Variants in PDE4D observed in about 807,000 individuals in gnomAD.
PDE4D encodes the protein 3',5'-cyclic-AMP phosphodiesterase 4D.
A neutral mutation model predicts 87.4 loss-of-function variants in PDE4D; 24 were observed. The observed-to-expected ratio is 0.27, with a 90% CI of 0.20 to 0.39. The LOEUF (loss-of-function observed/expected upper bound fraction) is 0.39, where lower values mean the gene tolerates loss of function less well. PDE4D is among the 10% of genes least tolerant of loss of function. The pLI is 1.00. For missense variants in PDE4D, 714 were observed against 1,041.0 expected (o/e 0.69, Z 4.32); for synonymous variants, 384 against 383.2 (o/e 1.00, Z -0.02).
At chr5:59,514,158 T>G (rs1810746868) in intron 1 of PDE4D, among the ~76,000 whole-genome samples, 1 of 150,786 alleles carries the variant, frequency 6.6e-6, no homozygotes, top group Admixed American at 6.6e-5. Context: ...CAGGCTGGAG[T>G]GCAGTGGTGC....
At chr5:60,259,377 G>A (rs1315137029) in intron 1 of PDE4D, among the ~76,000 whole-genome samples, 1 of 151,960 alleles carries the variant, frequency 6.6e-6, no homozygotes, top group African/African-American at 2.4e-5. Context: ...TTGGTAATCT[G>A]GACAAACTTC....
chr5:59,426,342 T>C (rs1477277735), intron 1 of PDE4D, among the ~76,000 whole-genome samples: 1 of 152,222 alleles, frequency 6.6e-6, no homozygotes, highest in Non-Finnish European at 1.5e-5. Context: ...TGCATGACCT[T>C]GTGATCGTTC....
intron 1 of PDE4D, among the ~76,000 whole-genome samples, chr5:59,521,516 A>T (rs775958395): frequency 1.3e-5 from 2 of 152,098 alleles, no homozygotes; most frequent in Admixed American, 6.6e-5. Flanking sequence ...CAGCTTTCTA[A>T]TTGGCCTTGC....
chr5:58,995,733 T>C (rs1225749162), intron 6 of PDE4D, among the ~76,000 whole-genome samples: 1 of 152,192 alleles, frequency 6.6e-6, no homozygotes, highest in Non-Finnish European at 1.5e-5. Flanking sequence ...ACCATAAAAA[T>C]AGTTACTTAA....
chr5:59,663,450 C>T (rs1053055423), intron 1 of PDE4D, among the ~76,000 whole-genome samples: 3 of 152,178 alleles, frequency 2.0e-5, no homozygotes. Context: ...GGATAACAGG[C>T]ATGAGCCATC....
At chr5:60,249,824 C>A (rs1034443590) in intron 1 of PDE4D, among the ~76,000 whole-genome samples, 1 of 151,946 alleles carries the variant, frequency 6.6e-6, no homozygotes, top group African/African-American at 2.4e-5. Context: ...AGAAACCACA[C>A]ATAACATTCC....
At chr5:60,265,748 C>T (rs1750138815) in intron 1 of PDE4D, among the ~76,000 whole-genome samples, 1 of 152,160 alleles carries the variant, frequency 6.6e-6, no homozygotes. Flanking sequence ...GAGTCACCTG[C>T]CATTAACACC....
intron 5 of PDE4D, among the ~76,000 whole-genome samples, chr5:59,050,044 A>T (rs1398676648): frequency 6.6e-6 from 1 of 152,232 alleles, no homozygotes; most frequent in Non-Finnish European, 1.5e-5. Flanking sequence ...CAGGTGGATC[A>T]CCTGAGGTCA....
At chr5:60,350,635 C>T (rs1197712354) in intron 1 of PDE4D, among the ~76,000 whole-genome samples, 6 of 152,178 alleles carry the variant, frequency 3.9e-5, no homozygotes, top group Non-Finnish European at 1.5e-5. Context: ...TGCTCAGTCC[C>T]AGGATGTTGT....
At chr5:60,040,481 C>G (rs1768349168) in intron 2 of PDE4D, among the ~76,000 whole-genome samples, 1 of 152,164 alleles carries the variant, frequency 6.6e-6, no homozygotes, top group African/African-American at 2.4e-5. Flanking sequence ...TGTCTACAGT[C>G]TGTGCTTTAT....
chr5:59,726,755 C>G (rs951803866), intron 1 of PDE4D, among the ~76,000 whole-genome samples: 1 of 151,996 alleles, frequency 6.6e-6, no homozygotes, highest in Non-Finnish European at 1.5e-5. Flanking sequence ...GTATGAGAAA[C>G]AATATAACTT....
chr5:59,505,682 T>C (rs1036701063), intron 1 of PDE4D, among the ~76,000 whole-genome samples: 34 of 152,324 alleles, frequency 2.2e-4, no homozygotes, highest in Admixed American at 3.9e-4. Context: ...TTGTCAGAGA[T>C]AGAATTTCAA....
chr5:59,722,045 A>C (rs556427462), intron 1 of PDE4D, among the ~76,000 whole-genome samples: 14 of 152,162 alleles, frequency 9.2e-5, no homozygotes, highest in Non-Finnish European at 2.1e-4. Flanking sequence ...TTGTTCCCCA[A>C]ATACTTACTC....
intron 1 of PDE4D, among the ~76,000 whole-genome samples, chr5:59,234,201 G>T (rs1755852911): frequency 6.6e-6 from 1 of 152,056 alleles, no homozygotes; most frequent in Non-Finnish European, 1.5e-5. Flanking sequence ...TCAAACATTT[G>T]AATATATTCA....
chr5:60,447,840 G>A (rs1490522166), intron 1 of PDE4D, among the ~76,000 whole-genome samples: 1 of 152,134 alleles, frequency 6.6e-6, no homozygotes, highest in Non-Finnish European at 1.5e-5. Flanking sequence ...GTGCCTAATT[G>A]GTTTCAGCAG....
chr5:59,732,211 G>A (rs555317860), intron 1 of PDE4D, among the ~76,000 whole-genome samples: 34 of 151,926 alleles, frequency 2.2e-4, no homozygotes, highest in Non-Finnish European at 2.6e-4. Context: ...TGTACATAGT[G>A]TGAATTTCAA....
At position 59,497,864 on chromosome 5, in the gene PDE4D, AC is replaced by A. The variant is rs1293574054; in HGVS notation, c.456-281897del. On this transcript the variant is annotated intron_variant, in intron 1 of 14. Transcript: ENST00000340635. The stretch of plus-strand genomic sequence containing the variant: ...TATATAATATGACCATCTTCAAGGC[AC>A]ACAATCATCAGACTATCCAAGGTCA... Among the ~76,000 whole-genome samples, 27 of 152,210 alleles carry A rather than the reference AC, an allele frequency of 1.8e-4. 1 individual carries two copies. The highest frequency in any genetic ancestry group is 6.3e-4 in the African/African-American group (26 of 41,546).
intron 1 of PDE4D, among the ~76,000 whole-genome samples, chr5:59,732,338 ATATTT>A (rs60333106): frequency 0.055 from 8,349 of 151,596 alleles, 772 homozygotes; most frequent in African/African-American, 0.19. Context: ...GTAAAAAGCT[ATATTT>A]TATTATTTTA....
At chr5:59,475,143 C>T (rs1803100388) in intron 1 of PDE4D, among the ~76,000 whole-genome samples, 1 of 152,032 alleles carries the variant, frequency 6.6e-6, no homozygotes. Flanking sequence ...TTCTATCACT[C>T]CTGGATTATT....
Sources: allele counts gnomAD v4.1 joint callset (sites outside exome capture counted in the v4.1 genomes callset), GRCh38; gene constraint gnomAD v4.1.1; transcripts MANE v1.5; gene names NCBI Gene and HGNC (gene_info 2026-07-23, HGNC 2026-07-21).